The following ROBO2 variants were observed in gnomAD, a reference collection of about 807,000 sequenced individuals.
The protein encoded by ROBO2 is roundabout guidance receptor 2.
A neutral mutation model predicts 160.8 loss-of-function variants in ROBO2; 53 were observed. The ratio of observed to expected loss-of-function variants is 0.33; its 90% CI spans 0.26 to 0.41. The LOEUF is 0.41. Among genes scored for constraint, ROBO2 ranks in the 10% least tolerant of loss-of-function variants. The pLI, the probability that ROBO2 is intolerant of heterozygous loss-of-function variation, is 1.00. For synonymous variants in ROBO2, 664 were observed against 611.7 expected (o/e 1.09, Z -1.26); for missense variants, 1,577 against 1,722.4 (o/e 0.92, Z 1.49).
intron 2 of ROBO2, among the ~76,000 whole-genome samples, chr3:77,264,355 G>A (rs1409924034): frequency 1.3e-5 from 2 of 152,026 alleles, no homozygotes; most frequent in South Asian, 2.1e-4. Flanking sequence ...ATTGTTCGCC[G>A]AATCCATCTC....
chr3:77,260,454 C>A (rs370656826), intron 2 of ROBO2, among the ~76,000 whole-genome samples: 1 of 152,008 alleles, frequency 6.6e-6, no homozygotes, highest in South Asian at 2.1e-4. Context: ...TGAAGATTCA[C>A]CTGCAACTTA....
At chr3:76,429,321 A>C (rs2076345100) in intron 2 of ROBO2, among the ~76,000 whole-genome samples, 1 of 152,170 alleles carries the variant, frequency 6.6e-6, no homozygotes, top group South Asian at 2.1e-4. Flanking sequence ...AAAAAGCGAC[A>C]AAAGGAATAG....
At chr3:77,556,008 A>T (rs1559604754) in intron 8 of ROBO2, among the ~76,000 whole-genome samples, 2 of 151,944 alleles carry the variant, frequency 1.3e-5, no homozygotes, top group Non-Finnish European at 2.9e-5. Flanking sequence ...GCATCTAATG[A>T]TTTCAGGGAT....
At chr3:76,088,164 C>T (rs2069093959) in intron 2 of ROBO2, among the ~76,000 whole-genome samples, 1 of 151,890 alleles carries the variant, frequency 6.6e-6, no homozygotes, top group African/African-American at 2.4e-5. Flanking sequence ...GTCAATACTC[C>T]AAGAGCACAT....
intron 2 of ROBO2, among the ~76,000 whole-genome samples, chr3:76,556,770 C>T (rs2083819069): frequency 6.6e-6 from 1 of 151,894 alleles, no homozygotes; most frequent in East Asian, 1.9e-4. Flanking sequence ...GGAATGTGTG[C>T]CAATTCAAGT....
intron 2 of ROBO2, among the ~76,000 whole-genome samples, chr3:76,571,198 T>A (rs990999412): frequency 1.3e-5 from 2 of 152,182 alleles, no homozygotes; most frequent in African/African-American, 4.8e-5. Context: ...CAGCATTCAA[T>A]TAACAAAAGA....
intron 2 of ROBO2, among the ~76,000 whole-genome samples, chr3:76,990,952 C>T (rs571626570): frequency 3.3e-5 from 5 of 152,058 alleles, no homozygotes; most frequent in African/African-American, 7.2e-5. Context: ...CCCACCCCAA[C>T]GGAAGAATTA....
intron 2 of ROBO2, among the ~76,000 whole-genome samples, chr3:76,091,774 G>C (rs561629700): frequency 3.9e-5 from 6 of 152,230 alleles, no homozygotes; most frequent in Admixed American, 3.9e-4. Flanking sequence ...ATCAAGCTAT[G>C]AAAAACATGG....
At chr3:77,582,244 G>A (rs559733057) in intron 16 of ROBO2, among the ~76,000 whole-genome samples, 3 of 152,274 alleles carry the variant, frequency 2.0e-5, no homozygotes, top group African/African-American at 4.8e-5. Flanking sequence ...TGGAACTACA[G>A]GCACATGCCA....
intron 2 of ROBO2, among the ~76,000 whole-genome samples, chr3:77,435,917 G>A (rs2079233652): frequency 6.6e-6 from 1 of 151,012 alleles, no homozygotes; most frequent in Admixed American, 6.6e-5. Context: ...TGATGACAAT[G>A]CCATATCTTG....
In ROBO2 at chr3:77,202,337, A is replaced by G. The variant is rs537468213; in HGVS notation, c.388+103997A>G. Among the ~76,000 whole-genome samples the G allele has an allele frequency of 1.1e-4, 17 of 152,288 alleles. No individual in the cohort carries two copies. In the South Asian group the frequency reaches 1.4e-3, roughly 13 times the overall value. On this transcript the variant is annotated intron_variant, in intron 2 of 25. Transcript: ENST00000461745. ...ATGATACTTTATTCTAATTTGCTTTATCTGATTACATCTACATTTTAGAGT... is the reference window on the plus strand; with the variant it reads ...ATGATACTTTATTCTAATTTGCTTTGTCTGATTACATCTACATTTTAGAGT...
At chr3:77,171,923 C>G (rs941632097) in intron 2 of ROBO2, among the ~76,000 whole-genome samples, 6 of 152,166 alleles carry the variant, frequency 3.9e-5, no homozygotes. Flanking sequence ...AAAGAGCCGT[C>G]AAGTAGCTGT....
At chr3:76,850,744 C>T (rs76151293) in intron 2 of ROBO2, among the ~76,000 whole-genome samples, 2 of 152,040 alleles carry the variant, frequency 1.3e-5, no homozygotes, top group African/African-American at 4.8e-5. Context: ...CTAGAATAGG[C>T]TTTTAATCTT....
intron 2 of ROBO2, among the ~76,000 whole-genome samples, chr3:77,202,290 C>T (rs1173462326): frequency 6.6e-6 from 1 of 152,142 alleles, no homozygotes; most frequent in African/African-American, 2.4e-5. Context: ...ACATTTTCTG[C>T]AGTGCACAAC....
At chr3:76,251,161 T>C (rs953912736) in intron 2 of ROBO2, among the ~76,000 whole-genome samples, 1 of 152,050 alleles carries the variant, frequency 6.6e-6, no homozygotes, top group Non-Finnish European at 1.5e-5. Context: ...TATAATTGTA[T>C]TCTTGTAACT....
intron 2 of ROBO2, among the ~76,000 whole-genome samples, chr3:77,003,688 T>G (rs2061438367): frequency 6.6e-6 from 1 of 151,990 alleles, no homozygotes; most frequent in African/African-American, 2.4e-5. Context: ...AGCCTCCCAT[T>G]GCAAGCGCCT....
At chr3:77,427,359 A>C (rs2153538149) in intron 2 of ROBO2, among the ~76,000 whole-genome samples, 1 of 152,342 alleles carries the variant, frequency 6.6e-6, no homozygotes, top group Middle Eastern at 3.4e-3. Context: ...TCATTTAATT[A>C]TTACAATTCC....
Position 77,063,048 on chromosome 3 carries a change from G to A in ROBO2, c.61+22202G>A, listed in dbSNP as rs961460332. Among the ~76,000 whole-genome samples, 15 of 152,250 alleles carry A rather than the reference G, an allele frequency of 9.9e-5. No individual in the cohort carries two copies. The South Asian group carries it at 2.1e-3, about 21-fold the overall frequency. Reference sequence around the variant, plus strand: ...GCTGTGGGAATTTACAGGCAGCTAAGGCCTACTGGTGTCTCTGAATACTGT... The same window carrying A: ...GCTGTGGGAATTTACAGGCAGCTAAAGCCTACTGGTGTCTCTGAATACTGT... On this transcript the variant is annotated intron_variant, in intron 1 of 25. Coordinates refer to ENST00000461745, the Ensembl canonical transcript of ROBO2.
At chr3:76,555,413 A>AGAG (rs2083700210) in intron 2 of ROBO2, among the ~76,000 whole-genome samples, 2 of 68,930 alleles carry the variant, frequency 2.9e-5, no homozygotes, top group Non-Finnish European at 4.5e-5. Flanking sequence ...AAGAAGAAGA[A>AGAG]GAAGAAAGAA....
Sources: allele counts gnomAD v4.1 joint callset (sites outside exome capture counted in the v4.1 genomes callset), GRCh38; gene constraint gnomAD v4.1.1; transcripts MANE v1.5; gene names NCBI Gene and HGNC (gene_info 2026-07-23, HGNC 2026-07-21).